TBC1D16: variants seen among roughly 807,000 people sequenced by gnomAD.
The protein encoded by TBC1D16 is CTD-2529O21.1.
In TBC1D16, 58 loss-of-function variants were observed where a neutral mutation model predicts 74.7. The observed-to-expected ratio is 0.78, with a 90% confidence interval of 0.63 to 0.97. The LOEUF is 0.97. TBC1D16 is among the 50% of genes least tolerant of loss of function. The pLI, the probability that TBC1D16 is intolerant of heterozygous loss-of-function variation, is 0.00. For missense variants in TBC1D16, 1,014 were observed against 1,079.5 expected, an observed-to-expected ratio of 0.94 and a Z score of 0.85; for synonymous variants, 493 against 474.7, an observed-to-expected ratio of 1.04 and a Z score of -0.50.
rs1477468486 is a variant in TBC1D16 at position 80,007,606 on chromosome 17, C to T, written c.779+2554G>A. On this transcript the variant is annotated intron_variant, in intron 3 of 11. Transcript: ENST00000310924. This position sits in a 1 kb window ranked among gnomAD's most constrained non-coding sequence, Gnocchi z 4.5. ...GGAGGGCCCTCCTCAGCCCAGGGTT[C>T]GGGGGAATAGAGAAGCCTCCCCCAA... is the stretch of plus-strand genomic sequence containing the variant. 6.6e-6 allele frequency among the ~76,000 whole-genome samples: 1 copy of T among 152,126 alleles called. No individual in the cohort carries two copies. Among genetic ancestry groups the T allele is most frequent in the South Asian group, 2.1e-4 (1 of 4,820 alleles).
At chr17:79,962,820 G>C (rs922504106) in intron 3 of TBC1D16, among the ~76,000 whole-genome samples, 1 of 151,888 alleles carries the variant, frequency 6.6e-6, no homozygotes, top group African/African-American at 2.4e-5. Context: ...CCAGCACTTT[G>C]GGAGGCCGAG....
At chr17:80,027,797 C>T (rs1046388315) in intron 1 of TBC1D16, among the ~76,000 whole-genome samples, 4 of 143,240 alleles carry the variant, frequency 2.8e-5, no homozygotes, top group Non-Finnish European at 6.0e-5. Context: ...GAGGCTGAGG[C>T]GGGAGAATTG....
intron 8 of TBC1D16, among the ~76,000 whole-genome samples, chr17:79,948,556 AC>A (rs1297920105): frequency 1.3e-5 from 2 of 152,130 alleles, no homozygotes; most frequent in Non-Finnish European, 2.9e-5. Flanking sequence ...GGGACCACCC[AC>A]GGGGAGATGG....
intron 1 of TBC1D16, among the ~76,000 whole-genome samples, chr17:80,016,654 TC>T (rs2036100893): frequency 6.6e-6 from 1 of 152,076 alleles, no homozygotes; most frequent in Admixed American, 6.6e-5. Flanking sequence ...CAGAACTGGC[TC>T]CCAGCCTGGC....
chr17:79,993,966 G>A lies in TBC1D16; in HGVS notation c.779+16194C>T, dbSNP rs749141150. ...TTTCTGAGCTGCGGTGGAAAAGGCT[G>A]ACAAGTTTCATTTCCCTGACCTTGG... On this transcript the variant is annotated intron_variant, in intron 3 of 11. Coordinates refer to ENST00000310924, the MANE Select transcript of TBC1D16 (RefSeq NM_019020.4). This position sits in a 1 kb window ranked among gnomAD's most constrained non-coding sequence, Gnocchi z 5.1. Among the ~76,000 whole-genome samples the A allele has an allele frequency of 9.2e-5, 14 of 152,138 alleles. No homozygotes were observed. Among genetic ancestry groups the A allele is most frequent in the Non-Finnish European group, 2.1e-4 (14 of 68,016 alleles).
In TBC1D16 at chr17:79,987,448, T is replaced by A. The variant is rs551484481; in HGVS notation, c.779+22712A>T. The stretch of plus-strand genomic sequence containing the variant: ...TTTTTATAGAGATGGGGTCTCGCTA[T>A]GTTGTCCAGGCTGATCTTGAACTCC... On this transcript the variant is annotated intron_variant, in intron 3 of 11. Transcript: ENST00000310924. This position sits in a 1 kb window ranked among gnomAD's most constrained non-coding sequence, Gnocchi z 5.2. 6.6e-6 allele frequency among the ~76,000 whole-genome samples: 1 copy of A among 152,196 alleles called. No individual in the cohort carries two copies. The highest frequency in any genetic ancestry group is 2.4e-5 in the African/African-American group (1 of 41,522).
chr17:79,949,775 C>T lies in TBC1D16; in HGVS notation c.1348G>A (p.Glu450Lys). 2 of 1,613,696 alleles carry T rather than the reference C, an allele frequency of 1.2e-6. No homozygotes were observed. Among genetic ancestry groups the T allele is most frequent in the Non-Finnish European group, 1.7e-6 (2 of 1,179,912 alleles). Residue 450 changes from glutamate to lysine, a missense_variant, in exon 7 of 12, where the codon GAG becomes AAG. Coordinates refer to ENST00000310924, the MANE Select transcript of TBC1D16 (RefSeq NM_019020.4). ...TTCTGCAGCCGCAGCGCCTCCCGCT[C>T]CTCCGACGTGGACTCGTGGCTGTAA... ...RYYSHESTSE[E>K]REALRLQKRK...
At chr17:80,033,172 G>C (rs1047903489) in intron 1 of TBC1D16, among the ~76,000 whole-genome samples, 1 of 152,162 alleles carries the variant, frequency 6.6e-6, no homozygotes, top group African/African-American at 2.4e-5. Context: ...TAATAACAGT[G>C]TTAAAATGTT....
chr17:79,980,401 C>A lies in TBC1D16; in HGVS notation c.780-27583G>T, dbSNP rs1046772276. Among the ~76,000 whole-genome samples, 2 of 152,174 alleles carry A rather than the reference C, an allele frequency of 1.3e-5. No homozygotes were observed. Among genetic ancestry groups the A allele is most frequent in the Non-Finnish European group, 2.9e-5 (2 of 68,034 alleles). On this transcript the variant is annotated intron_variant, in intron 3 of 11. Transcript: ENST00000310924. This position sits in a 1 kb window ranked among gnomAD's most constrained non-coding sequence, Gnocchi z 7.0. ...GAGCTTTCCTTCCTTCCCGGAGGAA[C>A]AAGACACTAAGAAGAGGTTCCCAGG...
rs776322955 is a variant in TBC1D16 at position 80,010,251 on chromosome 17, A to C, written c.688T>G (p.Ser230Ala). The change falls in exon 3 of 12, where the codon TCA becomes GCA. Residue 230 changes from serine to alanine, a missense_variant. Transcript: ENST00000310924. This position sits in a 1 kb window ranked among gnomAD's most constrained non-coding sequence, Gnocchi z 8.8. The stretch of plus-strand genomic sequence containing the variant: ...CAGAAGGGCGAGGAGAAGGTGTCTG[A>C]GTCTGAGTCAAAGGAGCTGTCTCTG... ...VSRDSSFDSD[S>A]DTFSSPFCLS... 3.7e-6 allele frequency: 6 copies of C among 1,613,460 alleles called. No individual in the cohort carries two copies. The highest frequency in any genetic ancestry group is 3.4e-6 in the Non-Finnish European group (4 of 1,179,832).
rs949489236 is a variant in TBC1D16, at chr17:79,986,388, G to C, written c.779+23772C>G. On this transcript the variant is annotated intron_variant, in intron 3 of 11. Transcript: ENST00000310924. The surrounding 1 kb of genome is among the most constrained non-coding windows in gnomAD (Gnocchi z 6.0). Reference sequence around the variant, plus strand: ...GTCTGGGCAGACGCAAATGTGCAGCGTTTCAAAGCAAAGCTCAAGAGTGGA... The same window carrying C: ...GTCTGGGCAGACGCAAATGTGCAGCCTTTCAAAGCAAAGCTCAAGAGTGGA... Among the ~76,000 whole-genome samples, 4 of 152,226 alleles carry C rather than the reference G, an allele frequency of 2.6e-5. No individual in the cohort carries two copies. Among genetic ancestry groups the C allele is most frequent in the African/African-American group, 9.6e-5 (4 of 41,456 alleles).
In TBC1D16 at chr17:80,007,489, A is replaced by G. The variant is rs1167560732; in HGVS notation, c.779+2671T>C. ...GTCGGACCCCAAAATTTACTCCTTC[A>G]CCACCATCTGCCTCCCAGCAGCTGG... On this transcript the variant is annotated intron_variant, in intron 3 of 11. Coordinates refer to ENST00000310924, the MANE Select transcript of TBC1D16 (RefSeq NM_019020.4). This position sits in a 1 kb window ranked among gnomAD's most constrained non-coding sequence, Gnocchi z 4.5. Among the ~76,000 whole-genome samples, 1 of 151,992 alleles carries G rather than the reference A, an allele frequency of 6.6e-6. No homozygotes were observed. Among genetic ancestry groups the G allele is most frequent in the Non-Finnish European group, 1.5e-5 (1 of 67,984 alleles).
At chr17:80,012,735 T>G (rs2035939825) in intron 2 of TBC1D16, among the ~76,000 whole-genome samples, 1 of 152,324 alleles carries the variant, frequency 6.6e-6, no homozygotes, top group South Asian at 2.1e-4. Flanking sequence ...TTTGCCATCT[T>G]GTCTGGGACT....
rs1244306905 is a variant in TBC1D16 at position 79,947,675 on chromosome 17, T to G, written c.1698A>C (p.Ser566=). Residue 566 remains serine, a synonymous_variant, in exon 9 of 12, where the codon TCA becomes TCC. Transcript: ENST00000310924. ...GTTTCTCCATGTCCTCGTCCCGGGG[T>G]GAGCTGACGAAGATCGTGTTCTGCA... is the stretch of plus-strand genomic sequence containing the variant. ...GLMQNTIFVS[S]PRDEDMEKQL... 1.2e-6 allele frequency: 2 copies of G among 1,613,914 alleles called. No homozygotes were observed. The highest frequency in any genetic ancestry group is 8.5e-7 in the Non-Finnish European group (1 of 1,180,008).
chr17:80,019,381 G>A (rs1352277555), intron 1 of TBC1D16, among the ~76,000 whole-genome samples: 4 of 148,856 alleles, frequency 2.7e-5, no homozygotes, highest in Non-Finnish European at 4.4e-5. Context: ...TGAGACCTTC[G>A]TCCCCCACGT....
At position 79,956,587 on chromosome 17, in the gene TBC1D16, G is replaced by A. The variant is rs892477038; in HGVS notation, c.780-3769C>T. Among the ~76,000 whole-genome samples, 6 of 152,110 alleles carry A rather than the reference G, an allele frequency of 3.9e-5. No individual in the cohort carries two copies. Among genetic ancestry groups the A allele is most frequent in the South Asian group, 2.1e-4 (1 of 4,824 alleles). The stretch of plus-strand genomic sequence containing the variant: ...GCTTTAAGTTGCTGAGTTTGAGGGC[G>A]GTTTGTTTCACAGCAACGGATCACT... On this transcript the variant is annotated intron_variant, in intron 3 of 11. Transcript: ENST00000310924. This position sits in a 1 kb window ranked among gnomAD's most constrained non-coding sequence, Gnocchi z 4.0.
chr17:80,030,545 A>G (rs2036740243), intron 1 of TBC1D16, among the ~76,000 whole-genome samples: 2 of 152,214 alleles, frequency 1.3e-5, no homozygotes, highest in Non-Finnish European at 2.9e-5. Context: ...AGTCTCTTCC[A>G]GAACCCTCCT....
chr17:80,010,755 A>G lies in TBC1D16; in HGVS notation c.184T>C (p.Tyr62His), dbSNP rs1366990461. ...LQGLGEHHPG[Y>H]LCLYMEKDEM... Reference sequence around the variant, plus strand: ...TCCTTCTCCATGTACAAGCACAGGTAACCTGTGAGGAGCCAGGGGGATGGC... The same window carrying G: ...TCCTTCTCCATGTACAAGCACAGGTGACCTGTGAGGAGCCAGGGGGATGGC... The change falls in exon 3 of 12, where the codon TAC (tyrosine) becomes CAC (histidine). Residue 62 changes from tyrosine to histidine, a missense_variant and splice_region_variant. Transcript: ENST00000310924. This position sits in a 1 kb window ranked among gnomAD's most constrained non-coding sequence, Gnocchi z 8.8. 1 of 1,488,524 alleles carries G rather than the reference A, an allele frequency of 6.7e-7. No individual in the cohort carries two copies. 92.2% of individuals were successfully genotyped at this position (1,488,524 alleles called of 1,614,324 possible).
intron 3 of TBC1D16, chr17:79,992,093 C>G (rs904396249): frequency 1.3e-5 from 2 of 152,324 alleles, no homozygotes; most frequent in Non-Finnish European, 2.9e-5. Context: ...GAAGCGCTTT[C>G]CCCCTCGTGG....
Sources: allele counts gnomAD v4.1 joint callset (sites outside exome capture counted in the v4.1 genomes callset), GRCh38; gene constraint gnomAD v4.1.1; non-coding constraint Gnocchi (gnomAD v3.1); transcripts MANE v1.5; gene names NCBI Gene and HGNC (gene_info 2026-07-23, HGNC 2026-07-21).